Variants in RNF31 observed in about 807,000 individuals in gnomAD.
The protein encoded by RNF31 is E3 ubiquitin-protein ligase RNF31.
In RNF31, 38 loss-of-function variants were observed where a neutral mutation model predicts 133.6. The ratio of observed to expected loss-of-function variants is 0.28; its 90% CI spans 0.22 to 0.37. The LOEUF is 0.37. RNF31 is among the 10% of genes least tolerant of loss of function. The pLI, the probability that RNF31 is intolerant of heterozygous loss-of-function variation, is 1.00. For missense variants in RNF31, 1,118 were observed against 1,394.1 expected, an observed-to-expected ratio of 0.80 and a Z score of 3.15; for synonymous variants, 582 against 552.3, an observed-to-expected ratio of 1.05 and a Z score of -0.75.
rs763329625 is a variant in RNF31, at chr14:24,158,131, C to T, written c.2842-11C>T. 2 of 1,614,190 alleles carry T rather than the reference C, an allele frequency of 1.2e-6. No individual in the cohort carries two copies. Among genetic ancestry groups the T allele is most frequent in the Non-Finnish European group, 1.7e-6 (2 of 1,179,990 alleles). On this transcript the variant is annotated splice_polypyrimidine_tract_variant and intron_variant, in intron 17 of 20. Transcript: ENST00000324103. Reference sequence around the variant, plus strand: ...AGGGGAATGTAACACCCATCTGTCTCTCCTCCTCAGGACAATAACGTCATG... The same window carrying T: ...AGGGGAATGTAACACCCATCTGTCTTTCCTCCTCAGGACAATAACGTCATG...
At position 24,155,455 on chromosome 14, in the gene RNF31, T is replaced by C. The variant is rs577794544; in HGVS notation, c.2346T>C (p.His782=). 3 of 1,614,116 alleles carry C rather than the reference T, an allele frequency of 1.9e-6. No individual in the cohort carries two copies. In the East Asian group the frequency reaches 6.7e-5, roughly 36 times the overall value. Residue 782 remains histidine, a synonymous_variant, in exon 13 of 21, where the codon CAT becomes CAC. Transcript: ENST00000324103. The surrounding 1 kb of genome is among the most constrained non-coding windows in gnomAD (Gnocchi z 4.9). ...AGCCAGATGCCTATGCGTTGTTCCA[T>C]AAGAAGCTGACCGAGGGTGTGCTGA... ...SLEPDAYALF[H]KKLTEGVLMR...
Position 24,148,049 on chromosome 14 carries a change from C to T in RNF31, c.266C>T (p.Pro89Leu), listed in dbSNP as rs201116727. 1.7e-5 allele frequency: 28 copies of T among 1,614,234 alleles called. No homozygotes were observed. The South Asian group carries it at 3.1e-4, about 18-fold the overall frequency. Residue 89 changes from proline to leucine, a missense_variant, in exon 2 of 21, where the codon CCT becomes CTT. Physicochemically the swap from Pro to Leu is moderately conservative, Grantham distance 98 (BLOSUM62 -3). This residue lies in a region of RNF31 where 747 missense variants were observed against 827.9 expected (regional missense o/e 0.90). Transcript: ENST00000324103. ...LEKYGRNLLS[P>L]QRPRYWRGVK... ...AAATACGGCCGCAACCTTCTCAGCC[C>T]TCAGCGGCCTCGGTACTGGCGTGGT... is the stretch of plus-strand genomic sequence containing the variant.
intron 11 of RNF31, among the ~76,000 whole-genome samples, chr14:24,154,561 A>G (rs775691640): frequency 1.3e-5 from 2 of 152,218 alleles, no homozygotes; most frequent in Non-Finnish European, 2.9e-5. Context: ...TACAGGTGTG[A>G]GCCAGCGTGC....
Position 24,155,647 on chromosome 14 carries a change from T to C in RNF31, c.2448T>C (p.Thr816=). The C allele has an allele frequency of 6.2e-7, 1 of 1,614,216 alleles. No individual in the cohort carries two copies. Among genetic ancestry groups the C allele is most frequent in the African/African-American group, 1.3e-5 (1 of 75,074 alleles). ...ATGAGCGTGAGCAGCTGGAGGCAAC[T>C]TGTCCCCAGTGTCACCAGACCTTCT... is the stretch of plus-strand genomic sequence containing the variant. The part of the protein sequence containing the change: ...FIYEREQLEA[T]CPQCHQTFCV... Residue 816 remains threonine, a synonymous_variant, in exon 14 of 21, where the codon ACT becomes ACC. Coordinates refer to ENST00000324103, the MANE Select transcript of RNF31 (RefSeq NM_017999.5). The surrounding 1 kb of genome is among the most constrained non-coding windows in gnomAD (Gnocchi z 4.9).
rs370499676 is a variant in RNF31 at position 24,150,302 on chromosome 14, C to T, written c.1051C>T (p.Arg351Trp). ...GTGGLEPDLA[R>W]GRWACQSCTF... ...TGGAGGCCTAGAACCTGATCTTGCA[C>T]GGGGTCGGTGGGCCTGCCAGAGCTG... Residue 351 changes from arginine (R) to tryptophan (W), a missense_variant, in exon 7 of 21, where the codon CGG becomes TGG. Physicochemically the swap from Arg to Trp is moderately radical, Grantham distance 101. Coordinates refer to ENST00000324103, the MANE Select transcript of RNF31 (RefSeq NM_017999.5). 66 of 1,614,058 alleles carry T rather than the reference C, an allele frequency of 4.1e-5. No individual in the cohort carries two copies. The African/African-American group carries it at 5.5e-4, about 13-fold the overall frequency.
intron 18 of RNF31, chr14:24,158,517 C>T: frequency 2.4e-6 from 1 of 411,618 alleles, no homozygotes; most frequent in Admixed American, 4.2e-5. Context: ...AGTTGCAGGG[C>T]ACTGTTTTAG....
chr14:24,151,756 C>T lies in RNF31; in HGVS notation c.1924-30C>T, dbSNP rs1044026954. On this transcript the variant is annotated intron_variant, in intron 10 of 20. Transcript: ENST00000324103. This position sits in a 1 kb window ranked among gnomAD's most constrained non-coding sequence, Gnocchi z 5.3. ...GAAGGGTCCCTGGAGTCTGACAGCA[C>T]TTCCCCCCTCCACCTGAATCATATT... The T allele has an allele frequency of 1.2e-6, 2 of 1,600,512 alleles. No individual in the cohort carries two copies. The highest frequency in any genetic ancestry group is 1.7e-6 in the Non-Finnish European group (2 of 1,172,454).
chr14:24,148,601 A>AGGGGTCTAGCTGGAAACC, intron 3 of RNF31, 41 bp from the exon 4 acceptor site: 3 of 1,608,520 alleles, frequency 1.9e-6, no homozygotes, highest in Non-Finnish European at 1.7e-6. Flanking sequence ...GCTTTGTTCT[A>AGGGGTCTAGCTGGAAACC]GGGGTCTAGC....
Position 24,147,719 on chromosome 14 carries a change from G to T in RNF31, c.21G>T (p.Glu7Asp), listed in dbSNP as rs1295395803. Reference sequence around the variant, plus strand: ...TCAGGATGCCGGGGGAGGAAGAGGAGCGGGCCTTCCTGGTGGCCCGCGAGG... The same window carrying T: ...TCAGGATGCCGGGGGAGGAAGAGGATCGGGCCTTCCTGGTGGCCCGCGAGG... MPGEEE[E>D]RAFLVAREEL... Residue 7 changes from glutamate (E) to aspartate (D), a missense_variant, in exon 1 of 21, where the codon GAG (glutamate) becomes GAT (aspartate). By Grantham distance (45) the Glu-to-Asp change is conservative. This residue lies in a region of RNF31 where 747 missense variants were observed against 827.9 expected (regional missense o/e 0.90). Coordinates refer to ENST00000324103, the MANE Select transcript of RNF31 (RefSeq NM_017999.5). 5.2e-6 allele frequency: 8 copies of T among 1,538,456 alleles called. No individual in the cohort carries two copies. The Admixed American group carries it at 1.0e-4, about 19-fold the overall frequency.
At chr14:24,152,880 G>A (rs2038286761) in intron 11 of RNF31, among the ~76,000 whole-genome samples, 1 of 152,120 alleles carries the variant, frequency 6.6e-6, no homozygotes, top group African/African-American at 2.4e-5. Context: ...AGGAGATCGA[G>A]ACCATCCTGG....
Position 24,150,297 on chromosome 14 carries a change from T to C in RNF31, c.1046T>C (p.Leu349Pro), listed in dbSNP as rs968369903. Residue 349 changes from leucine (L) to proline (P), a missense_variant, in exon 7 of 21, where the codon CTT becomes CCT. Around this residue, in one of 3 missense-constraint regions of RNF31, gnomAD observed 747 missense variants for 827.9 expected, o/e 0.90. Coordinates refer to ENST00000324103, the MANE Select transcript of RNF31 (RefSeq NM_017999.5). ...GGAACTGGAGGCCTAGAACCTGATC[T>C]TGCACGGGGTCGGTGGGCCTGCCAG... ...PQGTGGLEPD[L>P]ARGRWACQSC... 5.0e-6 allele frequency: 8 copies of C among 1,614,070 alleles called. No homozygotes were observed. The African/African-American group carries it at 6.7e-5, about 13-fold the overall frequency.
In RNF31 at chr14:24,148,395, G is replaced by A; in HGVS notation, c.477G>A (p.Glu159=). The A allele has an allele frequency of 6.2e-7, 1 of 1,614,124 alleles. No individual in the cohort carries two copies. The highest frequency in any genetic ancestry group is 8.5e-7 in the Non-Finnish European group (1 of 1,180,010). ...VTLEVLLLRT[E]LSLLLQNTHP... is the part of the protein sequence containing the mutation. Reference sequence around the variant, plus strand: ...TGGAAGTACTGCTGCTTCGGACAGAGCTCAGCCTGCTATTGCAGGTGAGAT... The same window carrying A: ...TGGAAGTACTGCTGCTTCGGACAGAACTCAGCCTGCTATTGCAGGTGAGAT... The change falls in exon 3 of 21, where the codon GAG becomes GAA. Residue 159 remains glutamate (E), a synonymous_variant. Coordinates refer to ENST00000324103, the MANE Select transcript of RNF31 (RefSeq NM_017999.5).
chr14:24,155,735 G>A lies in RNF31; in HGVS notation c.2493+43G>A, dbSNP rs747189045. The A allele has an allele frequency of 6.5e-7, 1 of 1,548,426 alleles. No individual in the cohort carries two copies. ...TTTCAGAAATACTTGCTGAGCTACT[G>A]CCAGGTACTGTGTTAGACTCAGGGG... On this transcript the variant is annotated intron_variant, in intron 14 of 20. Coordinates refer to ENST00000324103, the MANE Select transcript of RNF31 (RefSeq NM_017999.5). This position sits in a 1 kb window ranked among gnomAD's most constrained non-coding sequence, Gnocchi z 4.9.
In RNF31 at chr14:24,148,140, A is replaced by G; in HGVS notation, c.339+18A>G. ...CTGTGCAGGTGAATCCCCTGGCCTT[A>G]TGGGAGAGGGGGCTGGGGTTTGGCT... On this transcript the variant is annotated intron_variant, in intron 2 of 20. Coordinates refer to ENST00000324103, the MANE Select transcript of RNF31 (RefSeq NM_017999.5). 1 of 1,613,912 alleles carries G rather than the reference A, an allele frequency of 6.2e-7. No individual in the cohort carries two copies. Among genetic ancestry groups the G allele is most frequent in the Non-Finnish European group, 8.5e-7 (1 of 1,179,870 alleles).
intron 18 of RNF31, 83 bp downstream of exon 18, chr14:24,158,282 C>G: frequency 7.5e-7 from 1 of 1,331,520 alleles, no homozygotes; most frequent in Non-Finnish European, 1.1e-6. Context: ...AGGCTTGGGT[C>G]TGGGGTCACT....
At chr14:24,149,982 G>A in intron 6 of RNF31, 79 bp from the exon 7 acceptor site, 3 of 1,482,810 alleles carry the variant, frequency 2.0e-6, no homozygotes, top group Non-Finnish European at 2.7e-6. Flanking sequence ...TGTTACCCAG[G>A]AAATGGAGAA....
At chr14:24,152,068 C>A (rs998220675) in intron 11 of RNF31, 76 bp downstream of exon 11, 1 of 1,425,912 alleles carries the variant, frequency 7.0e-7, no homozygotes, top group Non-Finnish European at 9.5e-7. Flanking sequence ...CAGTCTCCAT[C>A]TCTGATCCTG....
chr14:24,149,835 C>G (rs952870730), intron 6 of RNF31, among the ~76,000 whole-genome samples: 1 of 152,250 alleles, frequency 6.6e-6, no homozygotes, highest in East Asian at 1.9e-4. Context: ...TTTTAAACAC[C>G]TAGTGTAGGT....
rs1566614360 is a variant in RNF31 at position 24,151,889 on chromosome 14, G to A, written c.2027G>A (p.Gly676Glu). 6.2e-7 allele frequency: 1 copy of A among 1,614,210 alleles called. No individual in the cohort carries two copies. The highest frequency in any genetic ancestry group is 8.5e-7 in the Non-Finnish European group (1 of 1,180,036). ...LQETPRNYEL[G>E]DVVEAVRHSQ... The stretch of plus-strand genomic sequence containing the variant: ...GAGACACCCAGGAACTATGAGTTGG[G>A]GGATGTGGTAGAAGCTGTGAGGCAC... Residue 676 changes from glycine (G) to glutamate (E), a missense_variant, in exon 11 of 21, where the codon GGG becomes GAG. Coordinates refer to ENST00000324103, the MANE Select transcript of RNF31 (RefSeq NM_017999.5). This position sits in a 1 kb window ranked among gnomAD's most constrained non-coding sequence, Gnocchi z 5.3.
Sources: gnomAD v4.1 joint callset for allele counts (sites outside exome capture counted in the v4.1 genomes callset) on GRCh38, gnomAD v4.1.1 for gene constraint, gnomAD v4.1.1 regional missense constraint, Gnocchi (gnomAD v3.1) non-coding constraint, MANE v1.5 for transcripts, NCBI Gene and HGNC (gene_info 2026-07-23, HGNC 2026-07-21) for gene names.